The following DMD variants were observed in gnomAD, a reference collection of about 807,000 sequenced individuals.
DMD encodes the protein dystrophin.
In DMD, 63 loss-of-function variants were observed where a neutral mutation model predicts 330.1. That is an observed-to-expected ratio of 0.19 (90% CI 0.16 to 0.24). The LOEUF is 0.24. Ranked by LOEUF, DMD falls within the 10% of genes least tolerant of loss-of-function variation. The probability of loss-of-function intolerance (pLI) is 1.00; values close to 1 mark genes in which losing one functional copy is unlikely to be tolerated. For synonymous variants in DMD, 1,223 were observed against 959.8 expected (o/e 1.27, Z -5.07); for missense variants, 3,344 against 2,684.1 (o/e 1.25, Z -5.43).
intron 1 of DMD, among the ~76,000 whole-genome samples, chrX:33,283,169 A>G (rs1015358227): frequency 1.8e-5 from 2 of 112,567 alleles, no homozygotes; most frequent in African/African-American, 6.5e-5. Context: ...ATTTAATTGT[A>G]CCATGCTGCG....
chrX:31,322,784 C>G (rs2056514967), intron 62 of DMD, among the ~76,000 whole-genome samples: 2 of 112,225 alleles, frequency 1.8e-5, no homozygotes, highest in African/African-American at 3.2e-5. Context: ...TTTAGTCAGA[C>G]TCATGGCAGA....
intron 60 of DMD, among the ~76,000 whole-genome samples, chrX:31,352,815 A>G (rs751402869): frequency 1.2e-4 from 13 of 112,197 alleles, no homozygotes; most frequent in African/African-American, 3.2e-4. Flanking sequence ...GAAAGCAACC[A>G]AAGTCCTCGA....
intron 16 of DMD, among the ~76,000 whole-genome samples, chrX:32,551,177 C>G (rs760366244): frequency 2.7e-5 from 3 of 110,760 alleles, no homozygotes; most frequent in Non-Finnish European, 5.7e-5. Flanking sequence ...AGACACACAA[C>G]AACCAAAAAA....
chrX:32,198,726 TTA>T (rs1351765708), intron 44 of DMD, among the ~76,000 whole-genome samples: 1 of 112,093 alleles, frequency 8.9e-6, no homozygotes, highest in East Asian at 2.8e-4. Context: ...TACATGAAAA[TTA>T]TGTTTCTTCA....
At chrX:31,772,613 C>T (rs1254242901) in intron 51 of DMD, among the ~76,000 whole-genome samples, 1 of 110,951 alleles carries the variant, frequency 9.0e-6, no homozygotes, top group Non-Finnish European at 1.9e-5. Flanking sequence ...GTATGTATTG[C>T]TTGCAGTACA....
At chrX:31,768,299 A>G (rs1470686522) in intron 51 of DMD, among the ~76,000 whole-genome samples, 1 of 110,475 alleles carries the variant, frequency 9.1e-6, no homozygotes, top group Non-Finnish European at 1.9e-5. Flanking sequence ...ACCTCTCTTC[A>G]TATTTCCCCC....
Position 32,204,976 on chromosome X carries a change from A to ATCTCTCTCTCTCTCTCTC in DMD, c.6438+11922_6438+11939dup, listed in dbSNP as rs200970973. Among the ~76,000 whole-genome samples the ATCTCTCTCTCTCTCTCTC allele has an allele frequency of 2.8e-3, 127 of 45,301 alleles. 1 individual carries two copies. Among genetic ancestry groups the ATCTCTCTCTCTCTCTCTC allele is most frequent in the Non-Finnish European group, 3.2e-3 (74 of 23,087 alleles). 39.3% of individuals were successfully genotyped at this position (45,301 alleles called of 115,157 possible). On this transcript the variant is annotated intron_variant, in intron 44 of 78. Transcript: ENST00000357033. ...TTCGGAGGTGATAAACATCCAAGCC[A>ATCTCTCTCTCTCTCTCTC]TCTCTCTCTCTCTCTCTCTCTCTCT...
intron 1 of DMD, among the ~76,000 whole-genome samples, chrX:33,263,797 T>C (rs1434999148): frequency 9.1e-6 from 1 of 110,378 alleles, no homozygotes; most frequent in Non-Finnish European, 1.9e-5. Flanking sequence ...TACCCTGAAA[T>C]AATAAGAATT....
At chrX:32,464,733 G>A (rs749807426) in intron 23 of DMD, 34 bp from the exon 24 acceptor site, 1 of 972,618 alleles carries the variant, frequency 1.0e-6, no homozygotes, top group Non-Finnish European at 1.5e-6. Flanking sequence ...CATTACTGGT[G>A]TGCTGATTAC....
intron 42 of DMD, among the ~76,000 whole-genome samples, chrX:32,293,435 G>A (rs149919906): frequency 0.037 from 4,102 of 111,027 alleles, 177 homozygotes; most frequent in African/African-American, 0.13. Context: ...GAAGGAGGGA[G>A]GGAGTTGTCA....
intron 47 of DMD, among the ~76,000 whole-genome samples, chrX:31,910,560 T>C (rs2094534742): frequency 8.9e-6 from 1 of 111,759 alleles, no homozygotes; most frequent in Admixed American, 9.5e-5. Flanking sequence ...AATAAAATAT[T>C]GGTACAAACT....
chrX:31,923,575 C>A (rs968466262), intron 47 of DMD, among the ~76,000 whole-genome samples: 1 of 105,155 alleles, frequency 9.5e-6, no homozygotes, highest in Admixed American at 1.0e-4. Context: ...ACTATATGCC[C>A]AATAAATAGG....
intron 7 of DMD, among the ~76,000 whole-genome samples, chrX:32,699,783 A>G (rs987089801): frequency 1.3e-4 from 14 of 111,926 alleles, no homozygotes; most frequent in African/African-American, 4.5e-4. Flanking sequence ...AGAGAGCTAA[A>G]TAAGTCTCTG....
chrX:32,638,794 G>A (rs1172272938), intron 11 of DMD, among the ~76,000 whole-genome samples: 1 of 111,152 alleles, frequency 9.0e-6, no homozygotes, highest in African/African-American at 3.3e-5. Flanking sequence ...AAACTTCACT[G>A]CACTTGGGAG....
intron 55 of DMD, among the ~76,000 whole-genome samples, chrX:31,588,889 T>C (rs1181023958): frequency 7.0e-5 from 7 of 99,415 alleles, no homozygotes; most frequent in Non-Finnish European, 1.4e-4. Flanking sequence ...TTTTTTTTTT[T>C]CAACTTGGAA....
intron 1 of DMD, among the ~76,000 whole-genome samples, chrX:33,162,682 G>A (rs1362156787): frequency 9.0e-6 from 1 of 110,633 alleles, no homozygotes; most frequent in African/African-American, 3.3e-5. Flanking sequence ...GATATTTTGA[G>A]AGCCATAGCC....
intron 9 of DMD, among the ~76,000 whole-genome samples, chrX:32,652,550 G>T (rs372976764): frequency 9.1e-6 from 1 of 110,367 alleles, no homozygotes; most frequent in East Asian, 2.9e-4. Context: ...TGGACATTTG[G>T]GTTGGTTCCA....
intron 47 of DMD, among the ~76,000 whole-genome samples, chrX:31,926,630 C>T (rs1407085390): frequency 3.6e-5 from 4 of 109,877 alleles, no homozygotes; most frequent in African/African-American, 1.3e-4. Flanking sequence ...GAGCTGAGAT[C>T]GTGCCACTGC....
chrX:32,487,122 A>G (rs2042558656), intron 20 of DMD, among the ~76,000 whole-genome samples: 1 of 111,602 alleles, frequency 9.0e-6, no homozygotes, highest in Admixed American at 9.5e-5. Context: ...GCTAATATCC[A>G]GAATCTACAA....
Sources: gnomAD v4.1 joint callset for allele counts (sites outside exome capture counted in the v4.1 genomes callset) on GRCh38, gnomAD v4.1.1 for gene constraint, MANE v1.5 for transcripts, NCBI Gene and HGNC (gene_info 2026-07-23, HGNC 2026-07-21) for gene names.